The following NFAT5 variants were observed in gnomAD, a reference collection of about 807,000 sequenced individuals.
NFAT5 encodes nuclear factor of activated T cells 5, also known as nuclear factor of activated T-cells 5.
Under a neutral mutation model 166.5 loss-of-function variants are expected in NFAT5, and 31 were observed. The ratio of observed to expected loss-of-function variants is 0.19; its 90% CI spans 0.14 to 0.25. NFAT5 has a LOEUF of 0.25. NFAT5 is among the 10% of genes least tolerant of loss of function. The pLI is 1.00. For missense variants in NFAT5, 1,449 were observed against 1,821.8 expected (o/e 0.80, Z 3.72); for synonymous variants, 612 against 639.7 (o/e 0.96, Z 0.65).
chr16:69,692,513 TCAA>T lies in NFAT5; in HGVS notation c.2691_2693del (p.Gln906del), dbSNP rs542353221. On this transcript the variant is annotated inframe_deletion, in exon 13 of 15. Transcript: ENST00000349945. ...CACAGTCTGAAAACACGTTATCTAA[TCAA>T]CAGCAGCAGCAGCAGCAGCAACAGC... The T allele has an allele frequency of 1.4e-3, 2,199 of 1,614,070 alleles. 5 individuals are homozygous for T. Among genetic ancestry groups the T allele is most frequent in the Middle Eastern group, 1.7e-3 (10 of 6,060 alleles).
intron 4 of NFAT5, chr16:69,648,300 AT>A (rs1010593881): frequency 2.0e-6 from 2 of 984,650 alleles, no homozygotes; most frequent in African/African-American, 1.7e-5. Context: ...TATGGTTTAC[AT>A]TTTTTAGAGG....
intron 2 of NFAT5, among the ~76,000 whole-genome samples, chr16:69,572,492 G>A (rs1334614035): frequency 2.0e-5 from 3 of 151,888 alleles, no homozygotes; most frequent in Admixed American, 1.3e-4. Context: ...CAAATTCGAA[G>A]GCTAGGATTC....
At chr16:69,671,319 T>C (rs769264556) in intron 9 of NFAT5, among the ~76,000 whole-genome samples, 9 of 152,154 alleles carry the variant, frequency 5.9e-5, no homozygotes, top group Non-Finnish European at 1.0e-4. Context: ...TTCACAGAAC[T>C]CTGGGAAGTG....
chr16:69,669,001 CT>C (rs2036516671), intron 7 of NFAT5, among the ~76,000 whole-genome samples: 1 of 152,108 alleles, frequency 6.6e-6, no homozygotes. Context: ...TTAAGTGATC[CT>C]CCCACTCCAG....
chr16:69,640,828 A>G (rs771799886), intron 3 of NFAT5, among the ~76,000 whole-genome samples: 33 of 151,942 alleles, frequency 2.2e-4, no homozygotes, highest in Non-Finnish European at 4.1e-4. Flanking sequence ...CTAAAAATAC[A>G]GAATTAGCCG....
chr16:69,644,952 C>T (rs2035374653), intron 3 of NFAT5: 3 of 358,346 alleles, frequency 8.4e-6, no homozygotes. Flanking sequence ...TACTTGTATG[C>T]TGCATACTTG....
chr16:69,613,082 C>A (rs2033778587), intron 2 of NFAT5, among the ~76,000 whole-genome samples: 1 of 152,134 alleles, frequency 6.6e-6, no homozygotes, highest in Admixed American at 6.5e-5. Flanking sequence ...AATGGCACCA[C>A]TTTTTATCAA....
intron 2 of NFAT5, among the ~76,000 whole-genome samples, chr16:69,600,556 T>G (rs1427450329): frequency 6.6e-6 from 1 of 152,030 alleles, no homozygotes; most frequent in East Asian, 1.9e-4. Context: ...GAAAAAGGGA[T>G]CTAGTGCACA....
intron 2 of NFAT5, among the ~76,000 whole-genome samples, chr16:69,625,893 G>A (rs1249730875): frequency 1.3e-4 from 20 of 150,392 alleles, no homozygotes; most frequent in Admixed American, 1.3e-3. Flanking sequence ...AAGAAAACAG[G>A]GACAGAACTA....
intron 2 of NFAT5, among the ~76,000 whole-genome samples, chr16:69,611,817 A>G (rs2033715243): frequency 6.6e-6 from 1 of 152,240 alleles, no homozygotes; most frequent in South Asian, 2.1e-4. Flanking sequence ...GCAGGACACT[A>G]ACACTCAGAC....
At chr16:69,608,520 G>A (rs2033535614) in intron 2 of NFAT5, among the ~76,000 whole-genome samples, 1 of 152,154 alleles carries the variant, frequency 6.6e-6, no homozygotes, top group Admixed American at 6.5e-5. Flanking sequence ...ACTTTGGGAG[G>A]CCGAGGCGGG....
At chr16:69,575,096 G>T (rs933074903) in intron 2 of NFAT5, among the ~76,000 whole-genome samples, 5 of 152,064 alleles carry the variant, frequency 3.3e-5, no homozygotes, top group African/African-American at 9.7e-5. Flanking sequence ...TACTGAATTT[G>T]GTATTTAGTT....
intron 2 of NFAT5, among the ~76,000 whole-genome samples, chr16:69,602,913 G>T (rs952539198): frequency 6.6e-6 from 1 of 151,476 alleles, no homozygotes; most frequent in East Asian, 1.9e-4. Context: ...TCCTGGCCTT[G>T]GTTATCTTTT....
At chr16:69,586,044 CA>C (rs1016503781) in intron 2 of NFAT5, among the ~76,000 whole-genome samples, 1 of 151,136 alleles carries the variant, frequency 6.6e-6, no homozygotes, top group Non-Finnish European at 1.5e-5. Flanking sequence ...AAAATGCTTT[CA>C]AAAAACAAGA....
intron 10 of NFAT5, among the ~76,000 whole-genome samples, chr16:69,679,243 C>T (rs1313159497): frequency 6.6e-6 from 1 of 151,876 alleles, no homozygotes; most frequent in African/African-American, 2.4e-5. Flanking sequence ...ATATTTTATT[C>T]TTAATCGTAT....
rs1215950305 is a variant in NFAT5 at position 69,698,048 on chromosome 16, CTTCCT to C, written c.*1700_*1704del. On this transcript the variant is annotated 3_prime_UTR_variant, in exon 15 of 15. Coordinates refer to ENST00000349945, the MANE Select transcript of NFAT5 (RefSeq NM_138713.4). ...TTCCTTCTTTTTGTTTTGTGATGAT[CTTCCT>C]TTGTTCTTTGAATGTGCTCTTTTGT... is the stretch of plus-strand genomic sequence containing the variant. 1 of 143,836 alleles carries C rather than the reference CTTCCT, an allele frequency of 7.0e-6. No homozygotes were observed. The highest frequency in any genetic ancestry group is 2.1e-4 in the East Asian group (1 of 4,874). The allele number at this position is 143,836 out of a possible 1,614,324, so 8.9% of individuals were successfully genotyped here.
At chr16:69,667,535 G>A (rs907218052) in intron 7 of NFAT5, among the ~76,000 whole-genome samples, 4 of 150,156 alleles carry the variant, frequency 2.7e-5, no homozygotes, top group African/African-American at 9.8e-5. Context: ...AGTTCTTTCT[G>A]TAATGTAAAT....
At chr16:69,598,380 TAAAAAAAAAAA>T (rs374912279) in intron 2 of NFAT5, among the ~76,000 whole-genome samples, 41 of 118,998 alleles carry the variant, frequency 3.4e-4, no homozygotes, top group African/African-American at 9.4e-4. Context: ...CCTGTCTCTT[TAAAAAAAAAAA>T]AAAAAAAAAA....
intron 3 of NFAT5, among the ~76,000 whole-genome samples, chr16:69,643,437 G>C (rs1597458879): frequency 7.0e-6 from 1 of 142,244 alleles, no homozygotes; most frequent in South Asian, 2.4e-4. Context: ...TATTTTAATA[G>C]GATATTAAGG....
Sources: allele counts gnomAD v4.1 joint callset (sites outside exome capture counted in the v4.1 genomes callset), GRCh38; gene constraint gnomAD v4.1.1; transcripts MANE v1.5; gene names NCBI Gene and HGNC (gene_info 2026-07-23, HGNC 2026-07-21).